The following FBXO11 variants were observed in gnomAD, a reference collection of about 807,000 sequenced individuals.
FBXO11 encodes the protein F-box protein 11, also known as F-box only protein 11.
FBXO11 carries 13 observed loss-of-function variants against 117.0 expected under a neutral mutation model. That is an observed-to-expected ratio of 0.11 (90% CI 0.07 to 0.18). The LOEUF is 0.18. Ranked by LOEUF, FBXO11 falls within the 10% of genes least tolerant of loss-of-function variation. The pLI, the probability that FBXO11 is intolerant of heterozygous loss-of-function variation, is 1.00. For synonymous variants in FBXO11, 490 were observed against 380.5 expected (o/e 1.29, Z -3.35); for missense variants, 767 against 1,164.4 (o/e 0.66, Z 4.97).
chr2:47,832,972 T>C lies in FBXO11; in HGVS notation c.1033A>G (p.Thr345Ala), dbSNP rs756274322. 57 of 1,609,892 alleles carry C rather than the reference T, an allele frequency of 3.5e-5. 1 individual carries two copies. Reference sequence around the variant, plus strand: ...ATCTTAACATGTCTTACCCTTATTGTCATATATCCAACATAAGCATCTTCA... The same window carrying C: ...ATCTTAACATGTCTTACCCTTATTGCCATATATCCAACATAAGCATCTTCA... Reference protein sequence around the residue: ...GSEDAYVGYMTIRFNPDDKSA... With the variant: ...GSEDAYVGYMAIRFNPDDKSA... The change falls in exon 8 of 23, where the codon ACA becomes GCA. Residue 345 changes from threonine (T) to alanine (A), a missense_variant. By Grantham distance (58) the Thr-to-Ala change is moderately conservative (BLOSUM62 0). Around this residue, in one of 10 missense-constraint regions of FBXO11, gnomAD observed 123 missense variants for 145.0 expected, o/e 0.85. Transcript: ENST00000403359.
intron 1 of FBXO11, among the ~76,000 whole-genome samples, chr2:47,858,467 A>G (rs1674486344): frequency 6.6e-6 from 1 of 150,636 alleles, no homozygotes; most frequent in Non-Finnish European, 1.5e-5. Context: ...AGATCACCTG[A>G]AGTCACGAGC....
At chr2:47,829,248 A>G (rs957902100) in intron 11 of FBXO11, among the ~76,000 whole-genome samples, 2 of 141,018 alleles carry the variant, frequency 1.4e-5, no homozygotes, top group Non-Finnish European at 3.1e-5. Context: ...TTATTTATTT[A>G]TTTATTTTTT....
rs1377195149 is a variant in FBXO11, at chr2:47,807,615, AACT to A, written c.*500_*502del. On this transcript the variant is annotated 3_prime_UTR_variant, in exon 23 of 23. Coordinates refer to ENST00000403359, the MANE Select transcript of FBXO11 (RefSeq NM_001190274.2). ...AAGATTTTGCTTGAAATTAAAAACA[AACT>A]ACATGAGATTAAAGCATTAAAATCA... is the stretch of plus-strand genomic sequence containing the variant. The A allele has an allele frequency of 9.1e-6, 2 of 220,636 alleles. No homozygotes were observed. Among genetic ancestry groups the A allele is most frequent in the Non-Finnish European group, 1.8e-5 (2 of 109,982 alleles). 13.7% of individuals were successfully genotyped at this position (220,636 alleles called of 1,614,324 possible). A position where few individuals can be genotyped will look rare whatever the true frequency, so the allele number is the denominator to read the frequency against.
chr2:47,808,082 G>T lies in FBXO11; in HGVS notation c.*36C>A. ...CCAAAAAAGTGTTTTAAGTTATGAT[G>T]TTACAATGGCAGGACTTTTTCTTTA... On this transcript the variant is annotated 3_prime_UTR_variant, in exon 23 of 23. Transcript: ENST00000403359. 1.3e-6 allele frequency: 2 copies of T among 1,560,552 alleles called. No individual in the cohort carries two copies. Among genetic ancestry groups the T allele is most frequent in the Non-Finnish European group, 1.7e-6 (2 of 1,145,386 alleles).
chr2:47,841,853 AT>A (rs1673034131), intron 1 of FBXO11, among the ~76,000 whole-genome samples: 2 of 151,736 alleles, frequency 1.3e-5, no homozygotes, highest in African/African-American at 4.8e-5. Context: ...GTTGGCCAGG[AT>A]GGTCTCTAAC....
Position 47,808,101 on chromosome 2 carries a change from T to A in FBXO11, c.*17A>T, listed in dbSNP as rs1342162263. 7 of 1,593,224 alleles carry A rather than the reference T, an allele frequency of 4.4e-6. No homozygotes were observed. Among genetic ancestry groups the A allele is most frequent in the Middle Eastern group, 1.7e-4 (1 of 5,980 alleles). On this transcript the variant is annotated 3_prime_UTR_variant, in exon 23 of 23. Coordinates refer to ENST00000403359, the MANE Select transcript of FBXO11 (RefSeq NM_001190274.2). ...TATGATGTTACAATGGCAGGACTTTTTCTTTAGGGAAGGAATTCAGTTGTG... is the reference window on the plus strand; with the variant it reads ...TATGATGTTACAATGGCAGGACTTTATCTTTAGGGAAGGAATTCAGTTGTG...
chr2:47,849,777 G>A (rs1430587009), intron 1 of FBXO11, among the ~76,000 whole-genome samples: 1 of 152,222 alleles, frequency 6.6e-6, no homozygotes, highest in African/African-American at 2.4e-5. Flanking sequence ...AATAGTGTGT[G>A]TGAAGACCTG....
intron 11 of FBXO11, among the ~76,000 whole-genome samples, chr2:47,826,381 T>C (rs764607112): frequency 2.6e-5 from 4 of 152,136 alleles, no homozygotes; most frequent in Non-Finnish European, 5.9e-5. Flanking sequence ...TTAAGGCAAA[T>C]AGCAGCCCTC....
chr2:47,848,270 C>T (rs574546335), intron 1 of FBXO11, among the ~76,000 whole-genome samples: 57 of 152,318 alleles, frequency 3.7e-4, no homozygotes, highest in African/African-American at 1.3e-3. Context: ...GAGTGGTAGG[C>T]GACCAAGCAA....
chr2:47,891,868 A>C (rs761685853), intron 1 of FBXO11, among the ~76,000 whole-genome samples: 3 of 152,150 alleles, frequency 2.0e-5, no homozygotes, highest in Admixed American at 2.0e-4. Flanking sequence ...CCTGATGATT[A>C]ATGATGTTGA....
intron 1 of FBXO11, among the ~76,000 whole-genome samples, chr2:47,871,072 C>T (rs1166281663): frequency 6.6e-6 from 1 of 152,264 alleles, no homozygotes; most frequent in Admixed American, 6.5e-5. Context: ...TGATACTCCT[C>T]CCCTTAAGTA....
chr2:47,835,200 C>G (rs1672458905), intron 5 of FBXO11, among the ~76,000 whole-genome samples: 1 of 152,208 alleles, frequency 6.6e-6, no homozygotes, highest in East Asian at 1.9e-4. Flanking sequence ...ACTCTCCTCC[C>G]ATTGTGACAA....
chr2:47,833,103 T>C (rs1672306341), intron 7 of FBXO11, 33 bp from the exon 8 acceptor site: 1 of 1,441,088 alleles, frequency 6.9e-7, no homozygotes, highest in Non-Finnish European at 9.7e-7. Flanking sequence ...AATATTACCT[T>C]TATTCGATTT....
At chr2:47,888,793 C>A in intron 1 of FBXO11, 1 of 269,384 alleles carries the variant, frequency 3.7e-6, no homozygotes, top group Non-Finnish European at 5.7e-6. Context: ...TAGCCCCTAT[C>A]TGCTATATTT....
chr2:47,827,240 T>C (rs1275077478), intron 11 of FBXO11, among the ~76,000 whole-genome samples: 2 of 152,258 alleles, frequency 1.3e-5, no homozygotes, highest in Non-Finnish European at 2.9e-5. Flanking sequence ...CTTATAGTTT[T>C]ATAATTTTGC....
chr2:47,904,860 A>T (rs1678630575), intron 1 of FBXO11, among the ~76,000 whole-genome samples: 1 of 152,082 alleles, frequency 6.6e-6, no homozygotes, highest in Non-Finnish European at 1.5e-5. Context: ...AACTAAAGAC[A>T]AACTGCGCAG....
intron 16 of FBXO11, among the ~76,000 whole-genome samples, chr2:47,816,598 A>G (rs114415983): frequency 0.013 from 1,958 of 152,266 alleles, 29 homozygotes; most frequent in African/African-American, 0.042. Flanking sequence ...TGCTTTCTAA[A>G]AAGTATTTCT....
intron 1 of FBXO11, among the ~76,000 whole-genome samples, chr2:47,903,316 A>C (rs1204380422): frequency 2.0e-5 from 3 of 152,210 alleles, no homozygotes; most frequent in Admixed American, 2.0e-4. Context: ...GTGCCAACAC[A>C]GAATCTCCAA....
In FBXO11 at chr2:47,807,126, A is replaced by G; in HGVS notation, c.*992T>C. On this transcript the variant is annotated 3_prime_UTR_variant, in exon 23 of 23. Transcript: ENST00000403359. ...CCAATACACATAAATGGGGGAGGAA[A>G]AGCTATGAAACTGTATAGGGCTGTA... 1 of 467,388 alleles carries G rather than the reference A, an allele frequency of 2.1e-6. No homozygotes were observed. The highest frequency in any genetic ancestry group is 3.8e-6 in the Non-Finnish European group (1 of 261,198). 29.0% of individuals were successfully genotyped at this position (467,388 alleles called of 1,614,324 possible).
Sources: allele counts gnomAD v4.1 joint callset (sites outside exome capture counted in the v4.1 genomes callset), GRCh38; gene constraint gnomAD v4.1.1; regional missense constraint gnomAD v4.1.1; transcripts MANE v1.5; gene names NCBI Gene and HGNC (gene_info 2026-07-23, HGNC 2026-07-21).